The following RIPOR2 variants were observed in gnomAD, a reference collection of about 807,000 sequenced individuals.
The protein encoded by RIPOR2 is rho family-interacting cell polarization regulator 2.
RIPOR2 carries 39 observed loss-of-function variants against 114.5 expected under a neutral mutation model. That is an observed-to-expected ratio of 0.34 (90% CI 0.26 to 0.44). The LOEUF (loss-of-function observed/expected upper bound fraction) is 0.44. RIPOR2 is among the 20% of genes least tolerant of loss of function. The probability of loss-of-function intolerance (pLI) is 1.00; values close to 1 mark genes in which losing one functional copy is unlikely to be tolerated. For missense variants in RIPOR2, 1,007 were observed against 1,255.1 expected (o/e 0.80, Z 2.99); for synonymous variants, 445 against 484.4 (o/e 0.92, Z 1.07).
At chr6:24,987,065 C>T (rs190414600) in intron 1 of RIPOR2, among the ~76,000 whole-genome samples, 228 of 152,290 alleles carry the variant, frequency 1.5e-3, no homozygotes, top group African/African-American at 5.3e-3. Flanking sequence ...GAAGTAGAAT[C>T]AACAGGTCAA....
intron 1 of RIPOR2, chr6:25,023,454 C>T (rs1776429261): frequency 3.9e-6 from 3 of 766,768 alleles, no homozygotes; most frequent in African/African-American, 1.7e-5. Flanking sequence ...TGCGCTTTCC[C>T]TCCCACTTGC....
chr6:24,968,843 T>C (rs1157562850), intron 1 of RIPOR2, among the ~76,000 whole-genome samples: 1 of 152,152 alleles, frequency 6.6e-6, no homozygotes, highest in Admixed American at 6.5e-5. Flanking sequence ...CACCAAAGAA[T>C]TATGCAGCCC....
chr6:25,006,187 C>T (rs1010249293), intron 1 of RIPOR2, among the ~76,000 whole-genome samples: 1 of 152,038 alleles, frequency 6.6e-6, no homozygotes, highest in Non-Finnish European at 1.5e-5. Flanking sequence ...TTCCATATAC[C>T]AACACATGTT....
intron 1 of RIPOR2, among the ~76,000 whole-genome samples, chr6:24,977,297 G>T (rs9358812): frequency 1.3e-5 from 2 of 151,914 alleles, no homozygotes; most frequent in Non-Finnish European, 2.9e-5. Context: ...TCATGGTAGG[G>T]TTACCAATGT....
intron 1 of RIPOR2, among the ~76,000 whole-genome samples, chr6:25,021,660 G>A (rs1054891436): frequency 6.6e-6 from 1 of 152,072 alleles, no homozygotes; most frequent in Non-Finnish European, 1.5e-5. Flanking sequence ...AAGGGGGTGA[G>A]GGATAAAAGA....
At chr6:24,874,684 A>C (rs1342500663) in intron 2 of RIPOR2, among the ~76,000 whole-genome samples, 1 of 152,220 alleles carries the variant, frequency 6.6e-6, no homozygotes, top group Non-Finnish European at 1.5e-5. Context: ...GAAGGATATA[A>C]TCCAACTAAA....
chr6:24,924,555 G>A (rs189487569), intron 1 of RIPOR2, among the ~76,000 whole-genome samples: 132 of 152,128 alleles, frequency 8.7e-4, no homozygotes, highest in African/African-American at 3.1e-3. Context: ...CCCAACCCAA[G>A]GCATTCTGTC....
chr6:24,974,518 C>A (rs762183579), intron 1 of RIPOR2, among the ~76,000 whole-genome samples: 1 of 152,110 alleles, frequency 6.6e-6, no homozygotes, highest in Admixed American at 6.5e-5. Context: ...TAATCACAAG[C>A]GTTGAGGAAG....
Position 24,858,692 on chromosome 6 carries a change from G to A in RIPOR2, c.715+2281C>T, listed in dbSNP as rs1363247103. Among the ~76,000 whole-genome samples the A allele has an allele frequency of 1.3e-5, 2 of 152,142 alleles. No homozygotes were observed. The highest frequency in any genetic ancestry group is 4.8e-5 in the African/African-American group (2 of 41,426). ...AGTCTCAGGCCTGAGAAACCCCATGGAAGAAACCAAGCGTTCAGGTGGACT... is the reference window on the plus strand; with the variant it reads ...AGTCTCAGGCCTGAGAAACCCCATGAAAGAAACCAAGCGTTCAGGTGGACT... On this transcript the variant is annotated intron_variant, in intron 8 of 21. Coordinates refer to ENST00000643898, the MANE Select transcript of RIPOR2 (RefSeq NM_001286445.3). This position sits in a 1 kb window ranked among gnomAD's most constrained non-coding sequence, Gnocchi z 4.0.
intron 1 of RIPOR2, among the ~76,000 whole-genome samples, chr6:24,996,228 C>T (rs1454792981): frequency 1.3e-5 from 2 of 152,186 alleles, no homozygotes; most frequent in Non-Finnish European, 2.9e-5. Context: ...TCTTTCACCA[C>T]CTGGATCCTA....
At chr6:24,912,354 T>G (rs1769699096) in intron 1 of RIPOR2, among the ~76,000 whole-genome samples, 1 of 152,072 alleles carries the variant, frequency 6.6e-6, no homozygotes, top group African/African-American at 2.4e-5. Flanking sequence ...ACCCTGCAAC[T>G]TATCTGCAAC....
At chr6:24,834,951 C>A (rs1345612035) in intron 15 of RIPOR2, among the ~76,000 whole-genome samples, 2 of 152,178 alleles carry the variant, frequency 1.3e-5, no homozygotes, top group African/African-American at 4.8e-5. Context: ...CTTCTGCATT[C>A]TCTTCCTGTT....
At chr6:24,967,645 A>G (rs1773587438) in intron 1 of RIPOR2, among the ~76,000 whole-genome samples, 1 of 152,230 alleles carries the variant, frequency 6.6e-6, no homozygotes, top group South Asian at 2.1e-4. Flanking sequence ...ACCAGCATAA[A>G]GCTTCCATTA....
At chr6:24,831,844 T>C (rs979255973) in intron 16 of RIPOR2, among the ~76,000 whole-genome samples, 2 of 152,206 alleles carry the variant, frequency 1.3e-5, no homozygotes, top group African/African-American at 4.8e-5. Context: ...CATCCATGTA[T>C]TTGTACCTTT....
At chr6:24,998,481 C>A (rs1276373906) in intron 1 of RIPOR2, among the ~76,000 whole-genome samples, 2 of 152,170 alleles carry the variant, frequency 1.3e-5, no homozygotes, top group Non-Finnish European at 2.9e-5. Context: ...ATGTTTCTAT[C>A]AAAAAATCTA....
At chr6:25,011,991 G>A (rs1775791554) in intron 1 of RIPOR2, among the ~76,000 whole-genome samples, 1 of 152,020 alleles carries the variant, frequency 6.6e-6, no homozygotes, top group Non-Finnish European at 1.5e-5. Context: ...ATCTGATAAG[G>A]GGCTTGTGTC....
chr6:25,027,838 C>T (rs4712880), intron 1 of RIPOR2, among the ~76,000 whole-genome samples: 65,914 of 152,108 alleles, frequency 0.43, 16,518 homozygotes, highest in Non-Finnish European at 0.57. Flanking sequence ...AGGGCATCAC[C>T]GAACAGGAAT....
chr6:24,888,175 A>C (rs899924017), intron 1 of RIPOR2, among the ~76,000 whole-genome samples: 1 of 152,238 alleles, frequency 6.6e-6, no homozygotes, highest in Non-Finnish European at 1.5e-5. Flanking sequence ...TGATCTTCAG[A>C]GACAGCTTGG....
At chr6:25,030,794 G>T (rs1209995960) in intron 1 of RIPOR2, among the ~76,000 whole-genome samples, 1 of 151,618 alleles carries the variant, frequency 6.6e-6, no homozygotes, top group East Asian at 1.9e-4. Context: ...TGCCTCTTGT[G>T]TTCAAGTGAT....
Sources: allele counts gnomAD v4.1 joint callset (sites outside exome capture counted in the v4.1 genomes callset), GRCh38; gene constraint gnomAD v4.1.1; non-coding constraint Gnocchi (gnomAD v3.1); transcripts MANE v1.5; gene names NCBI Gene and HGNC (gene_info 2026-07-23, HGNC 2026-07-21).